Variants in KIF13A observed in about 807,000 individuals in gnomAD.
The protein encoded by KIF13A is kinesin family member 13A.
Under a neutral mutation model 212.2 loss-of-function variants are expected in KIF13A, and 79 were observed. The observed-to-expected ratio is 0.37, with a 90% CI of 0.31 to 0.45. The LOEUF is 0.45. Ranked by LOEUF, KIF13A falls within the 20% of genes least tolerant of loss-of-function variation. The pLI, the probability that KIF13A is intolerant of heterozygous loss-of-function variation, is 1.00. For synonymous variants in KIF13A, 789 were observed against 808.6 expected, an observed-to-expected ratio of 0.98 and a Z score of 0.41; for missense variants, 1,901 against 2,209.0, an observed-to-expected ratio of 0.86 and a Z score of 2.79.
At chr6:17,943,571 G>C (rs374933454) in intron 2 of KIF13A, among the ~76,000 whole-genome samples, 4 of 152,156 alleles carry the variant, frequency 2.6e-5, no homozygotes, top group South Asian at 4.2e-4. Flanking sequence ...AACAGGTCTA[G>C]AGTGGAGGCT....
At chr6:17,810,817 T>C (rs536759200) in intron 17 of KIF13A, among the ~76,000 whole-genome samples, 1 of 152,162 alleles carries the variant, frequency 6.6e-6, no homozygotes, top group Non-Finnish European at 1.5e-5. Flanking sequence ...GAGAATCTAA[T>C]GCCACTGCTG....
In KIF13A at chr6:17,824,760, C is replaced by CAAAAA. The variant is rs1234476186; in HGVS notation, c.1786+1003_1786+1007dup. ...TGGGCGACAGAGAGAGACTCCGTCT[C>CAAAAA]AAAAAAAAAAAAAAAAAAAACAAAA... On this transcript the variant is annotated intron_variant, in intron 16 of 38. Coordinates refer to ENST00000259711, the MANE Select transcript of KIF13A (RefSeq NM_022113.6). Among the ~76,000 whole-genome samples the CAAAAA allele has an allele frequency of 6.8e-4, 33 of 48,716 alleles. 2 individuals are homozygous for CAAAAA. Among genetic ancestry groups the CAAAAA allele is most frequent in the South Asian group, 1.7e-3 (2 of 1,162 alleles). The allele number at this position is 48,716 out of a possible 152,430, so 32.0% of individuals were successfully genotyped here.
downstream of KIF13A, chr6:17,760,754 A>G: frequency 8.1e-7 from 1 of 1,230,884 alleles, no homozygotes; most frequent in Non-Finnish European, 1.2e-6. Flanking sequence ...TCTGAGGTCC[A>G]GCCAGGCGGC....
intron 25 of KIF13A, among the ~76,000 whole-genome samples, chr6:17,790,923 A>C (rs1761480607): frequency 6.6e-6 from 1 of 152,236 alleles, no homozygotes; most frequent in Admixed American, 6.6e-5. Flanking sequence ...ATAAATAAAC[A>C]AAGTAACAAT....
At position 17,895,902 on chromosome 6, in the gene KIF13A, A is replaced by G. The variant is rs911391951; in HGVS notation, c.159+2266T>C. On this transcript the variant is annotated intron_variant, in intron 3 of 38. Transcript: ENST00000259711. This position sits in a 1 kb window ranked among gnomAD's most constrained non-coding sequence, Gnocchi z 4.4. ...TACCTAGTTTGTCATTTCTGACAGC[A>G]GAAGTCTGAACAGGAACTTTCATTC... Among the ~76,000 whole-genome samples the G allele has an allele frequency of 1.3e-5, 2 of 152,244 alleles. No individual in the cohort carries two copies. Among genetic ancestry groups the G allele is most frequent in the African/African-American group, 4.8e-5 (2 of 41,468 alleles).
intron 3 of KIF13A, among the ~76,000 whole-genome samples, chr6:17,882,704 G>T (rs1223345323): frequency 6.6e-6 from 1 of 152,002 alleles, no homozygotes; most frequent in Non-Finnish European, 1.5e-5. Flanking sequence ...TGGGACTACA[G>T]CTGCCCACTA....
intron 2 of KIF13A, among the ~76,000 whole-genome samples, chr6:17,945,250 G>C (rs181828714): frequency 2.0e-5 from 3 of 152,264 alleles, no homozygotes; most frequent in African/African-American, 4.8e-5. Context: ...AACGAAAGAA[G>C]CTAGATACAG....
At chr6:17,973,430 C>T (rs1362761245) in intron 2 of KIF13A, among the ~76,000 whole-genome samples, 1 of 152,140 alleles carries the variant, frequency 6.6e-6, no homozygotes, top group Non-Finnish European at 1.5e-5. Context: ...CTTCCATTCT[C>T]GTATCAGCTA....
At position 17,849,946 on chromosome 6, in the gene KIF13A, A is replaced by G. The variant is rs1277039627; in HGVS notation, c.717+377T>C. On this transcript the variant is annotated intron_variant, in intron 8 of 38. Coordinates refer to ENST00000259711, the MANE Select transcript of KIF13A (RefSeq NM_022113.6). The surrounding 1 kb of genome is among the most constrained non-coding windows in gnomAD (Gnocchi z 5.7). ...GATATATATTAAAAGCTGTATGGTGATGTCATCACACTTGTTAGGGACTTT... is the reference window on the plus strand; with the variant it reads ...GATATATATTAAAAGCTGTATGGTGGTGTCATCACACTTGTTAGGGACTTT... Among the ~76,000 whole-genome samples, 1 of 152,200 alleles carries G rather than the reference A, an allele frequency of 6.6e-6. No homozygotes were observed. Among genetic ancestry groups the G allele is most frequent in the Non-Finnish European group, 1.5e-5 (1 of 68,032 alleles).
intron 2 of KIF13A, among the ~76,000 whole-genome samples, chr6:17,922,540 C>T (rs1246652681): frequency 6.7e-6 from 1 of 150,236 alleles, no homozygotes; most frequent in Non-Finnish European, 1.5e-5. Flanking sequence ...GATTCTATTA[C>T]ATTAATTCAC....
In KIF13A at chr6:17,838,654, A is replaced by T. The variant is rs913270685; in HGVS notation, c.831-1071T>A. 6.6e-6 allele frequency among the ~76,000 whole-genome samples: 1 copy of T among 152,280 alleles called. No homozygotes were observed. The highest frequency in any genetic ancestry group is 2.4e-5 in the African/African-American group (1 of 41,580). ...AAGTCAAAAAAATTAAAATAAAAAT[A>T]TATAAAAGAAACAAGTCAGACACAG... On this transcript the variant is annotated intron_variant, in intron 9 of 38. Coordinates refer to ENST00000259711, the MANE Select transcript of KIF13A (RefSeq NM_022113.6). The surrounding 1 kb of genome is among the most constrained non-coding windows in gnomAD (Gnocchi z 4.2).
chr6:17,842,017 G>A (rs1325824941), intron 9 of KIF13A, among the ~76,000 whole-genome samples: 1 of 151,608 alleles, frequency 6.6e-6, no homozygotes, highest in Non-Finnish European at 1.5e-5. Flanking sequence ...GTGTGTGTGT[G>A]TGTGTGTGTG....
At chr6:17,933,986 G>A (rs1776237187) in intron 2 of KIF13A, among the ~76,000 whole-genome samples, 1 of 152,112 alleles carries the variant, frequency 6.6e-6, no homozygotes, top group Non-Finnish European at 1.5e-5. Context: ...GGAAACATAG[G>A]ATTTCAAGTT....
At chr6:17,879,193 C>T (rs1053603340) in intron 3 of KIF13A, among the ~76,000 whole-genome samples, 4 of 152,254 alleles carry the variant, frequency 2.6e-5, no homozygotes, top group East Asian at 1.9e-4. Context: ...GATTTACATA[C>T]GGTCCTGTTT....
chr6:17,795,538 T>C (rs1218605102), intron 23 of KIF13A, among the ~76,000 whole-genome samples: 1 of 148,588 alleles, frequency 6.7e-6, no homozygotes, highest in African/African-American at 2.5e-5. Flanking sequence ...GAGGTTGCAG[T>C]GAGCTAAGAT....
At chr6:17,944,043 T>A (rs1458395027) in intron 2 of KIF13A, among the ~76,000 whole-genome samples, 1 of 152,218 alleles carries the variant, frequency 6.6e-6, no homozygotes, top group East Asian at 1.9e-4. Context: ...CTGAAGATTT[T>A]TCTCTTTATG....
chr6:17,858,753 T>C (rs577339859), intron 4 of KIF13A, among the ~76,000 whole-genome samples: 2 of 152,314 alleles, frequency 1.3e-5, no homozygotes, highest in East Asian at 1.9e-4. Flanking sequence ...AAGCAGCTGA[T>C]TGGAGCAATC....
chr6:17,770,723 G>GC, intron 38 of KIF13A: 1 of 845,674 alleles, frequency 1.2e-6, no homozygotes, highest in Non-Finnish European at 1.4e-6. Flanking sequence ...ACAGCTAAAT[G>GC]CATTAAATGC....
At chr6:17,862,840 CG>C (rs1768951087) in intron 4 of KIF13A, among the ~76,000 whole-genome samples, 1 of 151,954 alleles carries the variant, frequency 6.6e-6, no homozygotes, top group Non-Finnish European at 1.5e-5. Flanking sequence ...CCCAGCTACT[CG>C]GGAGGCTGAG....
Sources: gnomAD v4.1 joint callset for allele counts (sites outside exome capture counted in the v4.1 genomes callset) on GRCh38, gnomAD v4.1.1 for gene constraint, Gnocchi (gnomAD v3.1) non-coding constraint, MANE v1.5 for transcripts, NCBI Gene and HGNC (gene_info 2026-07-23, HGNC 2026-07-21) for gene names.